The following FUT9 variants were observed in gnomAD, a reference collection of about 807,000 sequenced individuals.
FUT9 encodes the protein fucosyltransferase 9.
FUT9 carries 15 observed loss-of-function variants against 29.7 expected under a neutral mutation model. That is an observed-to-expected ratio of 0.51 (90% CI 0.34 to 0.78). The LOEUF (loss-of-function observed/expected upper bound fraction) is 0.78. Ranked by LOEUF, FUT9 falls within the 30% of genes least tolerant of loss-of-function variation. FUT9 has a pLI of 0.01. For missense variants in FUT9, 319 were observed against 425.4 expected, an observed-to-expected ratio of 0.75 and a Z score of 2.20; for synonymous variants, 169 against 153.7, an observed-to-expected ratio of 1.10 and a Z score of -0.74.
intron 2 of FUT9, among the ~76,000 whole-genome samples, chr6:96,140,375 G>A (rs777439702): frequency 5.3e-5 from 8 of 150,566 alleles, no homozygotes; most frequent in Non-Finnish European, 1.2e-4. Flanking sequence ...ACATCTTCCT[G>A]TCTTCTTCTG....
At chr6:96,191,641 C>T (rs1773510949) in intron 2 of FUT9, among the ~76,000 whole-genome samples, 1 of 152,158 alleles carries the variant, frequency 6.6e-6, no homozygotes, top group South Asian at 2.1e-4. Context: ...CAGCCGAATT[C>T]TATCAGAGGT....
chr6:96,030,512 T>C lies in FUT9; in HGVS notation c.-98+14300T>C, dbSNP rs536000310. On this transcript the variant is annotated intron_variant, in intron 1 of 2. Coordinates refer to ENST00000302103, the MANE Select transcript of FUT9 (RefSeq NM_006581.4). ...TGAAAATGTGGAGCAGTTGGAACACTGGTACATTGCTGGAAGGGATGCAAA... is the reference window on the plus strand; with the variant it reads ...TGAAAATGTGGAGCAGTTGGAACACCGGTACATTGCTGGAAGGGATGCAAA... Among the ~76,000 whole-genome samples the C allele has an allele frequency of 3.6e-4, 54 of 151,698 alleles. No individual in the cohort carries two copies. In the South Asian group the frequency reaches 0.011, roughly 31 times the overall value.
intron 2 of FUT9, among the ~76,000 whole-genome samples, chr6:96,166,962 A>T (rs190389667): frequency 1.4e-4 from 21 of 152,310 alleles, no homozygotes; most frequent in African/African-American, 5.1e-4. Flanking sequence ...TTCATTCAGT[A>T]CAGATGCATT....
intron 2 of FUT9, among the ~76,000 whole-genome samples, chr6:96,148,570 A>G (rs1001809731): frequency 4.6e-5 from 7 of 152,190 alleles, no homozygotes; most frequent in African/African-American, 1.2e-4. Context: ...CATTGACCCT[A>G]TCAAAACACT....
chr6:96,177,632 A>T (rs1424418202), intron 2 of FUT9, among the ~76,000 whole-genome samples: 1 of 152,124 alleles, frequency 6.6e-6, no homozygotes, highest in African/African-American at 2.4e-5. Flanking sequence ...CTCCAAATAA[A>T]TGAACTTCTC....
chr6:96,172,297 T>G (rs1773126000), intron 2 of FUT9, among the ~76,000 whole-genome samples: 1 of 152,176 alleles, frequency 6.6e-6, no homozygotes, highest in South Asian at 2.1e-4. Context: ...AAACATTCAG[T>G]CCATTGTAAT....
At chr6:96,153,346 G>C (rs1772716916) in intron 2 of FUT9, among the ~76,000 whole-genome samples, 1 of 152,024 alleles carries the variant, frequency 6.6e-6, no homozygotes, top group African/African-American at 2.4e-5. Flanking sequence ...CTATCCTCTT[G>C]TCCTTAAAAT....
chr6:96,037,533 T>C (rs534961599), intron 1 of FUT9: 1 of 152,064 alleles, frequency 6.6e-6, no homozygotes, highest in Non-Finnish European at 1.5e-5. Flanking sequence ...GGTATTGATA[T>C]TTAATGACTT....
At chr6:96,064,970 ATACTC>A (rs1471515341) in intron 1 of FUT9, among the ~76,000 whole-genome samples, 1 of 152,200 alleles carries the variant, frequency 6.6e-6, no homozygotes, top group Non-Finnish European at 1.5e-5. Flanking sequence ...CTACAACACA[ATACTC>A]TAAACAGTAA....
In FUT9 at chr6:96,044,640, G is replaced by A. The variant is rs182259938; in HGVS notation, c.-98+28428G>A. The stretch of plus-strand genomic sequence containing the variant: ...GGAATCTTGATCCACAGTTTATTCT[G>A]TGCTTTTTTTTCCCCCTGATTTAAA... On this transcript the variant is annotated intron_variant, in intron 1 of 2. Coordinates refer to ENST00000302103, the MANE Select transcript of FUT9 (RefSeq NM_006581.4). Among the ~76,000 whole-genome samples, 251 of 152,142 alleles carry A rather than the reference G, an allele frequency of 1.6e-3. 1 individual carries two copies. Among genetic ancestry groups the A allele is most frequent in the African/African-American group, 6.0e-3 (247 of 41,454 alleles).
rs1773908884 is a variant in FUT9 at position 96,210,131 on chromosome 6, C to T, written c.*5896C>T. On this transcript the variant is annotated 3_prime_UTR_variant, in exon 3 of 3. Coordinates refer to ENST00000302103, the MANE Select transcript of FUT9 (RefSeq NM_006581.4). The stretch of plus-strand genomic sequence containing the variant: ...AAATCTCCCCAGATGGTTCTGGTGT[C>T]CTGCTAGTTTTGAGGTTTTCATCCC... 6.0e-6 allele frequency: 1 copy of T among 166,884 alleles called. No homozygotes were observed. Among genetic ancestry groups the T allele is most frequent in the Non-Finnish European group, 1.5e-5 (1 of 68,040 alleles). The allele number at this position is 166,884 out of a possible 1,614,324, so 10.3% of individuals were successfully genotyped here.
intron 1 of FUT9, among the ~76,000 whole-genome samples, chr6:96,077,320 G>A (rs1582213990): frequency 6.6e-6 from 1 of 152,070 alleles, no homozygotes; most frequent in East Asian, 1.9e-4. Context: ...GGATTGTGTA[G>A]GTACTCATTT....
chr6:96,159,719 G>T (rs1276575385), intron 2 of FUT9, among the ~76,000 whole-genome samples: 1 of 151,822 alleles, frequency 6.6e-6, no homozygotes, highest in East Asian at 1.9e-4. Context: ...TCCTTAGAAT[G>T]GTATTTAATA....
chr6:96,162,924 G>A (rs1184901721), intron 2 of FUT9, among the ~76,000 whole-genome samples: 1 of 152,134 alleles, frequency 6.6e-6, no homozygotes, highest in Non-Finnish European at 1.5e-5. Context: ...CTTTCCTGTA[G>A]GCCAGATAAG....
chr6:96,141,449 C>A (rs1772461864), intron 2 of FUT9, among the ~76,000 whole-genome samples: 1 of 152,080 alleles, frequency 6.6e-6, no homozygotes, highest in African/African-American at 2.4e-5. Flanking sequence ...GACTCTGAAT[C>A]AGGTGAGATG....
At chr6:96,046,886 A>C (rs1770573426) in intron 1 of FUT9, among the ~76,000 whole-genome samples, 2 of 152,222 alleles carry the variant, frequency 1.3e-5, no homozygotes, top group South Asian at 4.1e-4. Flanking sequence ...CATTTGAAAA[A>C]ATTATCAGAG....
In FUT9 at chr6:96,210,200, C is replaced by A. The variant is rs1273050245; in HGVS notation, c.*5965C>A. The A allele has an allele frequency of 6.0e-6, 1 of 166,824 alleles. No individual in the cohort carries two copies. The highest frequency in any genetic ancestry group is 2.4e-5 in the African/African-American group (1 of 41,394). The allele number at this position is 166,824 out of a possible 1,614,324, so 10.3% of individuals were successfully genotyped here. A position where few individuals can be genotyped will look rare whatever the true frequency, so the allele number is the denominator to read the frequency against. ...TATTCTATTAAATATGAGGTATTACCTTTCTTTAGTTCACCTGGAATCTTC... is the reference window on the plus strand; with the variant it reads ...TATTCTATTAAATATGAGGTATTACATTTCTTTAGTTCACCTGGAATCTTC... On this transcript the variant is annotated 3_prime_UTR_variant, in exon 3 of 3. Transcript: ENST00000302103.
At chr6:96,132,658 G>A (rs1042960288) in intron 2 of FUT9, among the ~76,000 whole-genome samples, 2 of 151,916 alleles carry the variant, frequency 1.3e-5, no homozygotes, top group South Asian at 2.1e-4. Context: ...ACTTTATTAT[G>A]CTTTCTTATG....
intron 1 of FUT9, among the ~76,000 whole-genome samples, chr6:96,055,119 A>G (rs1200289624): frequency 1.3e-5 from 2 of 152,148 alleles, no homozygotes; most frequent in Admixed American, 1.3e-4. Context: ...CTCTTATTTA[A>G]TACTGTATTT....
Sources: allele counts gnomAD v4.1 joint callset (sites outside exome capture counted in the v4.1 genomes callset), GRCh38; gene constraint gnomAD v4.1.1; transcripts MANE v1.5; gene names NCBI Gene and HGNC (gene_info 2026-07-23, HGNC 2026-07-21).